Variants in PSORS1C1 observed in about 807,000 individuals in gnomAD.
PSORS1C1 encodes psoriasis susceptibility 1 candidate gene 1 protein.
In PSORS1C1, 7 loss-of-function variants were observed where a neutral mutation model predicts 9.4. The observed-to-expected ratio is 0.75, with a 90% CI of 0.42 to 1.40. The LOEUF (loss-of-function observed/expected upper bound fraction) is 1.40, where lower values mean the gene tolerates loss of function less well. Ranked by LOEUF, PSORS1C1 falls within the 40% of genes most tolerant of loss-of-function variation. PSORS1C1 has a pLI of 0.01. For missense variants in PSORS1C1, 146 were observed against 178.1 expected (o/e 0.82, Z 1.02); for synonymous variants, 63 against 69.4 (o/e 0.91, Z 0.46).
At chr6:31,135,873 A>C (rs1773116628) in intron 3 of PSORS1C1, among the ~76,000 whole-genome samples, 1 of 151,762 alleles carries the variant, frequency 6.6e-6, no homozygotes, top group Admixed American at 6.6e-5. Context: ...CCCATCTCTA[A>C]AAACAAAACA....
chr6:31,125,526 C>G (rs928262174), intron 1 of PSORS1C1, 150 bp from the exon 2 acceptor site: 1 of 152,328 alleles, frequency 6.6e-6, no homozygotes, highest in African/African-American at 2.4e-5. Flanking sequence ...CATCCCCAAT[C>G]AGGTGTTCCG....
At chr6:31,121,167 C>CGGG (rs1421637129) in intron 1 of PSORS1C1, among the ~76,000 whole-genome samples, 1 of 71,112 alleles carries the variant, frequency 1.4e-5, no homozygotes, top group Non-Finnish European at 2.9e-5. Context: ...GGCATGGTGG[C>CGGG]GGGGGTGGGG....
chr6:31,124,254 C>T (rs1295370191), intron 1 of PSORS1C1, among the ~76,000 whole-genome samples: 1 of 151,962 alleles, frequency 6.6e-6, no homozygotes, highest in Non-Finnish European at 1.5e-5. Context: ...GGGAGGAATC[C>T]GAGGCCAGCT....
chr6:31,122,529 A>G (rs900347826), intron 1 of PSORS1C1, among the ~76,000 whole-genome samples: 1 of 152,180 alleles, frequency 6.6e-6, no homozygotes, highest in African/African-American at 2.4e-5. Flanking sequence ...TAATCCCAGC[A>G]CTATGGGAGG....
intron 1 of PSORS1C1, among the ~76,000 whole-genome samples, chr6:31,123,388 G>T (rs1055829112): frequency 6.6e-6 from 1 of 152,244 alleles, no homozygotes; most frequent in African/African-American, 2.4e-5. Flanking sequence ...AGGTGGTGGA[G>T]ACCTAAAGCT....
At position 31,116,000 on chromosome 6, in the gene PSORS1C1, A is replaced by G; in HGVS notation, c.-229+1109A>G. Reference sequence around the variant, plus strand: ...GTATGTGCTTGTTTGTGCCCAAGGCATGCACACACACAACAGTTGACTTCT... The same window carrying G: ...GTATGTGCTTGTTTGTGCCCAAGGCGTGCACACACACAACAGTTGACTTCT... On this transcript the variant is annotated intron_variant, in intron 1 of 5. Transcript: ENST00000259881. The surrounding 1 kb of genome is among the most constrained non-coding windows in gnomAD (Gnocchi z 4.2). 6.3e-7 allele frequency: 1 copy of G among 1,580,728 alleles called. No homozygotes were observed. The highest frequency in any genetic ancestry group is 2.3e-5 in the East Asian group (1 of 44,020).
In PSORS1C1 at chr6:31,128,164, C is replaced by T. The variant is rs1399144447; in HGVS notation, c.-64-1405C>T. On this transcript the variant is annotated intron_variant, in intron 2 of 5. Transcript: ENST00000259881. This position sits in a 1 kb window ranked among gnomAD's most constrained non-coding sequence, Gnocchi z 4.3. ...CTCACATGCCTGGCTCACCTTAGAA[C>T]GGTCACCTTGACGGCTAAAGGGACA... 1.3e-5 allele frequency among the ~76,000 whole-genome samples: 2 copies of T among 152,228 alleles called. No individual in the cohort carries two copies. Among genetic ancestry groups the T allele is most frequent in the African/African-American group, 2.4e-5 (1 of 41,464 alleles).
chr6:31,116,584 G>A (rs1297840795), intron 1 of PSORS1C1: 1 of 1,613,796 alleles, frequency 6.2e-7, no homozygotes, highest in Non-Finnish European at 8.5e-7. Flanking sequence ...CTCAGAGATG[G>A]GGGGCCCAGC....
chr6:31,117,309 A>G (rs757320152), intron 1 of PSORS1C1: 5 of 1,587,888 alleles, frequency 3.1e-6, no homozygotes, highest in Non-Finnish European at 4.3e-6. Context: ...AAGATCCTGC[A>G]GAACCACCCT....
intron 1 of PSORS1C1, among the ~76,000 whole-genome samples, chr6:31,124,539 C>T (rs1490463061): frequency 6.6e-6 from 1 of 152,202 alleles, no homozygotes; most frequent in Non-Finnish European, 1.5e-5. Context: ...CCACATAGAT[C>T]CTATTACTCT....
In PSORS1C1 at chr6:31,138,107, T is replaced by G. The variant is rs372046271; in HGVS notation, c.14-323T>G. On this transcript the variant is annotated intron_variant, in intron 3 of 5. Coordinates refer to ENST00000259881, the MANE Select transcript of PSORS1C1 (RefSeq NM_014068.3). ...GTTGAGGAGGATCCGTTCTAGGCGG[T>G]TCAGGGAGCCAGACTCCAGTTTCAG... is the stretch of plus-strand genomic sequence containing the variant. 70 of 1,602,776 alleles carry G rather than the reference T, an allele frequency of 4.4e-5. No homozygotes were observed. The East Asian group carries it at 5.6e-4, about 13-fold the overall frequency.
intron 3 of PSORS1C1, chr6:31,137,615 G>T: frequency 3.1e-6 from 1 of 325,706 alleles, no homozygotes; most frequent in Non-Finnish European, 5.5e-6. Flanking sequence ...GCCACCAGGT[G>T]GCAGAAGGGA....
chr6:31,127,308 G>A (rs1299210407), intron 2 of PSORS1C1, among the ~76,000 whole-genome samples: 1 of 152,084 alleles, frequency 6.6e-6, no homozygotes, highest in Non-Finnish European at 1.5e-5. Flanking sequence ...GTCCTCACAG[G>A]AGGGAGCTTC....
intron 1 of PSORS1C1, chr6:31,120,492 C>T: frequency 7.7e-7 from 1 of 1,297,506 alleles, no homozygotes; most frequent in Non-Finnish European, 1.1e-6. Flanking sequence ...GCTGGACATT[C>T]CCTGGGCAGG....
At chr6:31,133,435 G>A (rs926463482) in intron 3 of PSORS1C1, 2 of 152,258 alleles carry the variant, frequency 1.3e-5, no homozygotes, top group African/African-American at 4.8e-5. Context: ...TAGAGCTGGT[G>A]GTTCTGGCCA....
intron 3 of PSORS1C1, 34 bp from the exon 4 acceptor site, chr6:31,138,396 T>G (rs770112404): frequency 1.3e-6 from 2 of 1,595,012 alleles, no homozygotes; most frequent in Non-Finnish European, 1.7e-6. Flanking sequence ...GGAGCCTGTC[T>G]GGATGGACGC....
chr6:31,124,850 C>A (rs1772610848), intron 1 of PSORS1C1, among the ~76,000 whole-genome samples: 1 of 152,204 alleles, frequency 6.6e-6, no homozygotes, highest in Admixed American at 6.5e-5. Context: ...CACCTGTAAT[C>A]CCAGCTACTC....
intron 3 of PSORS1C1, among the ~76,000 whole-genome samples, chr6:31,131,442 C>G (rs1772908924): frequency 6.6e-6 from 1 of 151,722 alleles, no homozygotes; most frequent in Non-Finnish European, 1.5e-5. Context: ...AAAAAAACTA[C>G]AAAAATTAGC....
At chr6:31,117,344 T>TACCACTGGAGCC (rs1435585604) in intron 1 of PSORS1C1, 6 of 1,578,386 alleles carry the variant, frequency 3.8e-6, no homozygotes, top group South Asian at 2.3e-5. Flanking sequence ...CCGCTGGAGC[T>TACCACTGGAGCC]ACCACTGGAG....
Sources: gnomAD v4.1 joint callset for allele counts (sites outside exome capture counted in the v4.1 genomes callset) on GRCh38, gnomAD v4.1.1 for gene constraint, Gnocchi (gnomAD v3.1) non-coding constraint, MANE v1.5 for transcripts, NCBI Gene and HGNC (gene_info 2026-07-23, HGNC 2026-07-21) for gene names.